The following NBPF14 variants were observed in gnomAD, a reference collection of about 807,000 sequenced individuals.
The protein encoded by NBPF14 is NBPF family member NBPF14.
A neutral mutation model predicts 91.2 loss-of-function variants in NBPF14; 104 were observed. That is an observed-to-expected ratio of 1.14 (90% confidence interval 0.97 to 1.34). The LOEUF (loss-of-function observed/expected upper bound fraction) is 1.34. NBPF14 is among the 40% of genes most tolerant of loss of function. NBPF14 has a pLI of 0.00. For missense variants in NBPF14, 908 were observed against 783.0 expected (o/e 1.16, Z -1.91); for synonymous variants, 294 against 303.8 (o/e 0.97, Z 0.34).
At chr1:148,536,024 A>G (rs1655139186) in intron 67 of NBPF14, among the ~76,000 whole-genome samples, 200 bp downstream of exon 67, 2 of 150,312 alleles carry the variant, frequency 1.3e-5, no homozygotes, top group South Asian at 4.2e-4. Context: ...GCCTGAGACT[A>G]GGAAGAGAGC....
chr1:148,590,363 T>G (rs1662285312), intron 6 of NBPF14, among the ~76,000 whole-genome samples: 1 of 143,352 alleles, frequency 7.0e-6, no homozygotes, highest in African/African-American at 2.5e-5. Flanking sequence ...AGCCGAGACT[T>G]ATTAATAGCT....
chr1:148,560,256 C>G (rs1310206360), intron 36 of NBPF14, among the ~76,000 whole-genome samples: 787 of 146,552 alleles, frequency 5.4e-3, no homozygotes, highest in Non-Finnish European at 7.8e-3. Flanking sequence ...AAAGGACACT[C>G]TGAGTTAGTG....
Position 148,559,865 on chromosome 1 carries a change from A to T in NBPF14, c.4657T>A (p.Ser1553Thr). The change falls in exon 37 of 71, where the codon TCA (serine) becomes ACA (threonine). Residue 1553 changes from serine (S) to threonine (T), a missense_variant. Around this residue, in one of 13 missense-constraint regions of NBPF14, gnomAD observed 447 missense variants for 189.1 expected, o/e 2.36. Coordinates refer to ENST00000619423, the Ensembl canonical transcript of NBPF14. ...AAGGCACTTCTATAGGGCTGGCATG[A>T]GTCAGTCAGTTCAAGACAACCTGAA... is the stretch of plus-strand genomic sequence containing the variant. 45 of 1,475,336 alleles carry T rather than the reference A, an allele frequency of 3.1e-5. 9 individuals are homozygous for T. The South Asian group carries it at 4.8e-4, about 16-fold the overall frequency. 91.4% of individuals were successfully genotyped at this position (1,475,336 alleles called of 1,614,324 possible). A position where few individuals can be genotyped will look rare whatever the true frequency, so the allele number is the denominator to read the frequency against.
At chr1:148,559,816 A>G in exon 37 of NBPF14, 1 of 1,534,254 alleles carries the variant, frequency 6.5e-7, no homozygotes, top group Non-Finnish European at 8.7e-7. Context: ...AGCCAAGCCA[A>G]CACGCTGCTG....
In NBPF14 at chr1:148,539,293, A is replaced by G. The variant is rs1466960013; in HGVS notation, c.7882+117T>C. 1.3e-5 allele frequency: 8 copies of G among 637,532 alleles called. 1 individual carries two copies. In the East Asian group the frequency reaches 1.9e-4, roughly 15 times the overall value. 39.5% of individuals were successfully genotyped at this position (637,532 alleles called of 1,614,324 possible). ...TTCTTTACAACCTATATGCGCCCAT[A>G]GGTCCTGACTGCGGCAATGACGTCT... On this transcript the variant is annotated intron_variant, in intron 63 of 70. Transcript: ENST00000619423.
At chr1:148,575,543 C>T (rs1659568419) in intron 17 of NBPF14, 96 bp downstream of exon 17, 3 of 99,096 alleles carry the variant, frequency 3.0e-5, no homozygotes, top group South Asian at 1.2e-4. Context: ...GCGGCAATGA[C>T]GTCTCTCGGG....
chr1:148,577,543 G>GAC (rs1184575767), intron 14 of NBPF14, among the ~76,000 whole-genome samples, 188 bp from the exon 15 acceptor site: 1,471 of 141,182 alleles, frequency 0.01, 30 homozygotes, highest in South Asian at 0.086. Context: ...GAACGAGAAA[G>GAC]ACACACACAC....
chr1:148,572,620 A>G lies in NBPF14; in HGVS notation c.2586-5T>C, dbSNP rs1434895192. The G allele has an allele frequency of 1.6e-5, 9 of 565,698 alleles. 1 individual carries two copies. Among genetic ancestry groups the G allele is most frequent in the East Asian group, 5.8e-5 (2 of 34,668 alleles). The allele number at this position is 565,698 out of a possible 1,614,324, so 35.0% of individuals were successfully genotyped here. Reference sequence around the variant, plus strand: ...TCCAGCAGCTCCCTGCTGAGCCTGGAAAAGTGGGAAAAAGTAAAGAATAAG... The same window carrying G: ...TCCAGCAGCTCCCTGCTGAGCCTGGGAAAGTGGGAAAAAGTAAAGAATAAG... On this transcript the variant is annotated splice_region_variant and splice_polypyrimidine_tract_variant and intron_variant, in intron 20 of 70. Coordinates refer to ENST00000619423, the Ensembl canonical transcript of NBPF14.
At chr1:148,559,674 T>A (rs1469011880) in intron 37 of NBPF14, 119 bp downstream of exon 37, 1 of 648,996 alleles carries the variant, frequency 1.5e-6, no homozygotes, top group Admixed American at 2.4e-5. Context: ...TACATGTGCC[T>A]ATAGGTCCTC....
At chr1:148,559,847 T>C in exon 37 of NBPF14, 2 of 1,525,528 alleles carry the variant, frequency 1.3e-6, no homozygotes, top group Non-Finnish European at 1.8e-6. Context: ...TAAAAGGCAC[T>C]TCTATAGGGC....
exon 8 of NBPF14, chr1:148,587,391 C>T: frequency 6.3e-7 from 1 of 1,579,400 alleles, no homozygotes; most frequent in South Asian, 1.1e-5. Flanking sequence ...GAGGTCTTTG[C>T]ACTCTTCATA....
intron 39 of NBPF14, 122 bp from the exon 40 acceptor site, chr1:148,557,664 G>C: frequency 3.3e-6 from 2 of 613,572 alleles, no homozygotes; most frequent in South Asian, 1.7e-5. Context: ...GACCATGTGA[G>C]AGATATACTT....
rs1410485144 is a variant in NBPF14, at chr1:148,566,257, T to C, written c.3601A>G (p.Arg1201Gly). Residue 1201 changes from arginine to glycine, a missense_variant, in exon 29 of 71, where the codon AGA becomes GGA. Transcript: ENST00000619423. ...CAACTGGAAGGAGTTGAATAACATC[T>C]ATCCAGTGAGTCCTGCAAGACTTCA... is the stretch of plus-strand genomic sequence containing the variant. 21 of 635,560 alleles carry C rather than the reference T, an allele frequency of 3.3e-5. 2 individuals carry two copies. In the Admixed American group the frequency reaches 4.4e-4, roughly 13 times the overall value. The allele number at this position is 635,560 out of a possible 1,614,324, so 39.4% of individuals were successfully genotyped here. A position where few individuals can be genotyped will look rare whatever the true frequency, so the allele number is the denominator to read the frequency against.
chr1:148,575,574 C>G, intron 17 of NBPF14, 65 bp downstream of exon 17: 2 of 116,196 alleles, frequency 1.7e-5, no homozygotes, highest in Non-Finnish European at 2.9e-5. Context: ...GCACTTGGAA[C>G]AGGAATATCA....
rs1484296169 is a variant in NBPF14, at chr1:148,592,188, AC to A, written c.493+363del. On this transcript the variant is annotated intron_variant, in intron 4 of 70. Coordinates refer to ENST00000619423, the Ensembl canonical transcript of NBPF14. ...CTGAAAAGATAAATCACTCACTGAC[AC>A]TTACTAAGAACATTGCCAAAAATAC... Among the ~76,000 whole-genome samples, 4 of 142,980 alleles carry A rather than the reference AC, an allele frequency of 2.8e-5. 1 individual carries two copies. The highest frequency in any genetic ancestry group is 1.0e-4 in the African/African-American group (4 of 39,472). The allele number at this position is 142,980 out of a possible 152,430, so 93.8% of individuals were successfully genotyped here.
intron 36 of NBPF14, among the ~76,000 whole-genome samples, 184 bp from the exon 37 acceptor site, chr1:148,560,149 G>A (rs1215432620): frequency 6.6e-6 from 1 of 151,290 alleles, no homozygotes; most frequent in Non-Finnish European, 1.5e-5. Flanking sequence ...CAATGAAAGA[G>A]AAAGACAGAG....
In NBPF14 at chr1:148,593,241, G is replaced by A. The variant is rs1270064284; in HGVS notation, c.278+357C>T. 4.0e-5 allele frequency among the ~76,000 whole-genome samples: 6 copies of A among 148,696 alleles called. 1 individual carries two copies. The highest frequency in any genetic ancestry group is 2.2e-4 in the South Asian group (1 of 4,578). On this transcript the variant is annotated intron_variant, in intron 3 of 70. Transcript: ENST00000619423. The stretch of plus-strand genomic sequence containing the variant: ...TGATTGAGTGAAAGAATGAGAAGCC[G>A]CAGTCAGTCAGGAGGTGATTCTCAC...
chr1:148,586,899 C>T (rs1661628362), intron 8 of NBPF14, among the ~76,000 whole-genome samples: 1 of 142,552 alleles, frequency 7.0e-6, no homozygotes, highest in Admixed American at 7.1e-5. Flanking sequence ...AAAAGAATGA[C>T]AGGGTCGAGG....
intron 67 of NBPF14, 44 bp from the exon 68 acceptor site, chr1:148,535,548 C>T: frequency 3.1e-6 from 1 of 319,096 alleles, no homozygotes; most frequent in Non-Finnish European, 5.4e-6. Context: ...AGCTGGTTCT[C>T]CTACACACAT....
Sources: allele counts gnomAD v4.1 joint callset (sites outside exome capture counted in the v4.1 genomes callset), GRCh38; gene constraint gnomAD v4.1.1; regional missense constraint gnomAD v4.1.1; transcripts MANE v1.5; gene names NCBI Gene and HGNC (gene_info 2026-07-23, HGNC 2026-07-21).